TBC1D15: variants seen among roughly 807,000 people sequenced by gnomAD.
The protein encoded by TBC1D15 is GAP for RAB7.
A neutral mutation model predicts 95.4 loss-of-function variants in TBC1D15; 39 were observed. That is an observed-to-expected ratio of 0.41 (90% CI 0.32 to 0.53). The LOEUF (loss-of-function observed/expected upper bound fraction) is 0.53. TBC1D15 is among the 20% of genes least tolerant of loss of function. The pLI is 0.29. For missense variants in TBC1D15, 733 were observed against 794.3 expected (o/e 0.92, Z 0.93); for synonymous variants, 258 against 261.3 (o/e 0.99, Z 0.12).
intron 1 of TBC1D15, 75 bp downstream of exon 1, chr12:71,839,886 G>C: frequency 6.3e-7 from 1 of 1,581,062 alleles, no homozygotes; most frequent in Non-Finnish European, 8.7e-7. Flanking sequence ...CAGCTGGTTG[G>C]GGGAGGGACA....
At chr12:71,886,667 C>G (rs1007149063) in intron 5 of TBC1D15, among the ~76,000 whole-genome samples, 1 of 152,208 alleles carries the variant, frequency 6.6e-6, no homozygotes, top group African/African-American at 2.4e-5. Flanking sequence ...AACAGGCAAG[C>G]TGTTCAGTGC....
intron 11 of TBC1D15, among the ~76,000 whole-genome samples, chr12:71,910,212 T>C (rs1901855199): frequency 6.6e-6 from 1 of 152,056 alleles, no homozygotes; most frequent in South Asian, 2.1e-4. Context: ...TTCTGTTCCA[T>C]TGATCTATAT....
chr12:71,898,661 T>C (rs1337488331), intron 10 of TBC1D15, among the ~76,000 whole-genome samples: 1 of 152,164 alleles, frequency 6.6e-6, no homozygotes, highest in Non-Finnish European at 1.5e-5. Context: ...TAGGATAGCA[T>C]TGGATAGTAC....
intron 10 of TBC1D15, 23 bp downstream of exon 10, chr12:71,897,964 G>A (rs1223366534): frequency 6.5e-7 from 1 of 1,527,126 alleles, no homozygotes; most frequent in East Asian, 2.3e-5. Flanking sequence ...TAACAACTTT[G>A]GAAATGCAAG....
rs112009881 is a variant in TBC1D15, at chr12:71,888,844, C to CT, written c.554+3840dup. Among the ~76,000 whole-genome samples, 985 of 118,686 alleles carry CT rather than the reference C, an allele frequency of 8.3e-3. 8 individuals carry two copies. The highest frequency in any genetic ancestry group is 0.043 in the South Asian group (160 of 3,698). The allele number at this position is 118,686 out of a possible 152,430, so 77.9% of individuals were successfully genotyped here. A position where few individuals can be genotyped will look rare whatever the true frequency, so the allele number is the denominator to read the frequency against. On this transcript the variant is annotated intron_variant, in intron 5 of 16. Transcript: ENST00000485960. ...CATAGAATGTTCCTTATACATGTTT[C>CT]TTTTTTTTTTTTTTTTTCATTTAAT...
At chr12:71,871,385 T>C (rs1302273232) in intron 1 of TBC1D15, among the ~76,000 whole-genome samples, 1 of 152,210 alleles carries the variant, frequency 6.6e-6, no homozygotes, top group African/African-American at 2.4e-5. Flanking sequence ...ATTCCTGTAT[T>C]ATTTCCCGAA....
chr12:71,893,424 A>C, intron 6 of TBC1D15, 100 bp downstream of exon 6: 1 of 594,758 alleles, frequency 1.7e-6, no homozygotes, highest in Middle Eastern at 3.1e-4. Context: ...AGACAGGTAC[A>C]TATATATACA....
In TBC1D15 at chr12:71,893,283, T is replaced by G. The variant is rs773879213; in HGVS notation, c.616T>G (p.Phe206Val). ...NCQNKSLSQS[F>V]ENLLDEPAYG... ...TCAGAATAAGAGTCTTTCACAGTCTTTTGAAAATCTTCTTGATGAGCCAGC... is the reference window on the plus strand; with the variant it reads ...TCAGAATAAGAGTCTTTCACAGTCTGTTGAAAATCTTCTTGATGAGCCAGC... Residue 206 changes from phenylalanine to valine, a missense_variant, in exon 6 of 17, where the codon TTT becomes GTT. Physicochemically the swap from Phe to Val is conservative, Grantham distance 50 (BLOSUM62 -1). Coordinates refer to ENST00000485960, the MANE Select transcript of TBC1D15 (RefSeq NM_001146213.3). The G allele has an allele frequency of 6.2e-7, 1 of 1,610,260 alleles. No individual in the cohort carries two copies. Among genetic ancestry groups the G allele is most frequent in the Non-Finnish European group, 8.5e-7 (1 of 1,178,068 alleles).
chr12:71,845,593 C>G (rs1370498698), intron 1 of TBC1D15, among the ~76,000 whole-genome samples: 1 of 152,110 alleles, frequency 6.6e-6, no homozygotes, highest in Non-Finnish European at 1.5e-5. Context: ...GGTGTGGAGC[C>G]CATTAGGATG....
chr12:71,885,098 C>T, intron 5 of TBC1D15, 77 bp downstream of exon 5: 10 of 1,448,308 alleles, frequency 6.9e-6, no homozygotes, highest in African/African-American at 2.8e-5. Flanking sequence ...TTTACTTGAC[C>T]TTGGGCATCA....
At chr12:71,874,073 C>G (rs1227947350) in intron 3 of TBC1D15, among the ~76,000 whole-genome samples, 13 of 152,174 alleles carry the variant, frequency 8.5e-5, no homozygotes, top group Admixed American at 8.5e-4. Context: ...TGGATTAGGG[C>G]CCATCCTGAT....
chr12:71,855,303 C>T (rs1361412913), intron 1 of TBC1D15, among the ~76,000 whole-genome samples: 1 of 152,122 alleles, frequency 6.6e-6, no homozygotes, highest in Admixed American at 6.6e-5. Flanking sequence ...GGTGGGGATA[C>T]AGTCAAACCG....
chr12:71,904,242 A>T (rs931295933), intron 10 of TBC1D15, among the ~76,000 whole-genome samples: 2 of 152,196 alleles, frequency 1.3e-5, no homozygotes, highest in Admixed American at 6.5e-5. Context: ...AGATTATTTA[A>T]ATTGACCATT....
rs1036764552 is a variant in TBC1D15 at position 71,896,158 on chromosome 12, G to C, written c.984+83G>C. ...GTTGTTATCGTTACTGTTTTGGTGT[G>C]TTTTTTTTTGTTGTTGGTTTTTTTT... On this transcript the variant is annotated intron_variant, in intron 8 of 16. Coordinates refer to ENST00000485960, the MANE Select transcript of TBC1D15 (RefSeq NM_001146213.3). 6 of 941,210 alleles carry C rather than the reference G, an allele frequency of 6.4e-6. No homozygotes were observed. The Admixed American group carries it at 9.5e-5, about 15-fold the overall frequency. The allele number at this position is 941,210 out of a possible 1,614,324, so 58.3% of individuals were successfully genotyped here.
chr12:71,873,546 T>C (rs750233719), intron 3 of TBC1D15, among the ~76,000 whole-genome samples: 18 of 152,148 alleles, frequency 1.2e-4, no homozygotes, highest in Non-Finnish European at 2.4e-4. Context: ...CATGTGCAGG[T>C]TTTTTGTGTG....
intron 14 of TBC1D15, 39 bp from the exon 15 acceptor site, chr12:71,920,692 T>A: frequency 7.1e-7 from 1 of 1,411,760 alleles, no homozygotes; most frequent in Non-Finnish European, 1.0e-6. Context: ...TGTTTTAGAA[T>A]TGATACAATT....
intron 11 of TBC1D15, among the ~76,000 whole-genome samples, chr12:71,910,019 A>G (rs1484382216): frequency 6.6e-6 from 1 of 152,084 alleles, no homozygotes; most frequent in Non-Finnish European, 1.5e-5. Context: ...TCTTTAATCC[A>G]TCTTGAATTA....
At chr12:71,898,853 C>G (rs1898746933) in intron 10 of TBC1D15, among the ~76,000 whole-genome samples, 1 of 152,120 alleles carries the variant, frequency 6.6e-6, no homozygotes, top group Non-Finnish European at 1.5e-5. Flanking sequence ...GACATGAAAA[C>G]AAGATCTTTT....
rs550917619 is a variant in TBC1D15, at chr12:71,875,853, C to T, written c.204+2850C>T. Among the ~76,000 whole-genome samples the T allele has an allele frequency of 3.0e-4, 45 of 151,798 alleles. 1 individual carries two copies. The highest frequency in any genetic ancestry group is 1.5e-3 in the South Asian group (7 of 4,816). On this transcript the variant is annotated intron_variant, in intron 3 of 16. Transcript: ENST00000485960. The stretch of plus-strand genomic sequence containing the variant: ...CACTCTGTCACCCAGGCTGGAGTAC[C>T]GTGGCATGATCTCGGCTCACTGAAA...
Sources: gnomAD v4.1 joint callset for allele counts (sites outside exome capture counted in the v4.1 genomes callset) on GRCh38, gnomAD v4.1.1 for gene constraint, MANE v1.5 for transcripts, NCBI Gene and HGNC (gene_info 2026-07-23, HGNC 2026-07-21) for gene names.